DESI1: variants seen among roughly 807,000 people sequenced by gnomAD.
DESI1 encodes desumoylating isopeptidase 1, also known as PPPDE peptidase domain containing 2.
DESI1 carries 17 observed loss-of-function variants against 22.4 expected under a neutral mutation model. That is an observed-to-expected ratio of 0.76 (90% confidence interval 0.52 to 1.14). DESI1 has a LOEUF of 1.14. Ranked by LOEUF, DESI1 falls within the 50% of genes most tolerant of loss-of-function variation. The probability of loss-of-function intolerance (pLI) is 0.00; values close to 1 mark genes in which losing one functional copy is unlikely to be tolerated. For synonymous variants in DESI1, 92 were observed against 84.2 expected, an observed-to-expected ratio of 1.09 and a Z score of -0.51; for missense variants, 177 against 208.9, an observed-to-expected ratio of 0.85 and a Z score of 0.94.
At chr22:41,612,669 C>T (rs866609334) in intron 1 of DESI1, among the ~76,000 whole-genome samples, 22 of 150,834 alleles carry the variant, frequency 1.5e-4, no homozygotes, top group African/African-American at 5.4e-4. Context: ...GATCAAAGCT[C>T]ACTGCAGCCT....
Position 41,604,061 on chromosome 22 carries a change from C to T in DESI1, c.273G>A (p.Leu91=). The change falls in exon 4 of 6, where the codon CTG becomes CTA. Residue 91 remains leucine (L), a synonymous_variant. Transcript: ENST00000263256. The stretch of plus-strand genomic sequence containing the variant: ...CCACTCACCGGAACAGGGACTCCCC[C>T]AGGGAGGAGAGGTACTCCAGAAAGA... The part of the protein sequence containing the change: ...EEIFLEYLSS[L]GESLFRGEAY... 1 of 1,613,722 alleles carries T rather than the reference C, an allele frequency of 6.2e-7. No homozygotes were observed. The highest frequency in any genetic ancestry group is 8.5e-7 in the Non-Finnish European group (1 of 1,179,938).
At chr22:41,607,914 C>G in intron 1 of DESI1, 53 bp from the exon 2 acceptor site, 2 of 1,605,050 alleles carry the variant, frequency 1.2e-6, no homozygotes, top group Non-Finnish European at 1.7e-6. Flanking sequence ...AGTGGCCCCT[C>G]AGCCTTGGTA....
intron 5 of DESI1, 80 bp downstream of exon 5, chr22:41,603,179 G>A: frequency 6.2e-7 from 1 of 1,602,316 alleles, no homozygotes; most frequent in African/African-American, 1.3e-5. Flanking sequence ...GGCAGATGGG[G>A]GCCAGAGGAA....
At chr22:41,619,861 A>T (rs1404396088) in intron 1 of DESI1, among the ~76,000 whole-genome samples, 1 of 152,202 alleles carries the variant, frequency 6.6e-6, no homozygotes, top group Non-Finnish European at 1.5e-5. Context: ...TCAAAGCTTC[A>T]ATTTTCAATA....
intron 2 of DESI1, 45 bp from the exon 3 acceptor site, chr22:41,607,376 T>C: frequency 2.5e-6 from 4 of 1,570,940 alleles, no homozygotes; most frequent in Non-Finnish European, 3.5e-6. Flanking sequence ...ACTTAAACTT[T>C]TGAGAAAAAG....
chr22:41,600,446 A>G lies in DESI1; in HGVS notation c.*651T>C, dbSNP rs764491249. ...ATTGATGGCAGAAGATTGGCAATCC[A>G]TCTAGGTGGAAGGAGGAATGGCTTT... On this transcript the variant is annotated 3_prime_UTR_variant, in exon 6 of 6. Coordinates refer to ENST00000263256, the MANE Select transcript of DESI1 (RefSeq NM_015704.3). 1 of 152,398 alleles carries G rather than the reference A, an allele frequency of 6.6e-6. No homozygotes were observed. Among genetic ancestry groups the G allele is most frequent in the Non-Finnish European group, 1.5e-5 (1 of 68,184 alleles). 9.4% of individuals were successfully genotyped at this position (152,398 alleles called of 1,614,324 possible).
chr22:41,606,362 A>G (rs1445674608), intron 3 of DESI1, among the ~76,000 whole-genome samples: 1 of 152,012 alleles, frequency 6.6e-6, no homozygotes, highest in Non-Finnish European at 1.5e-5. Flanking sequence ...TCTCAAAAAA[A>G]AAAAAAAAAT....
intron 3 of DESI1, 59 bp from the exon 4 acceptor site, chr22:41,604,212 G>A: frequency 7.5e-7 from 1 of 1,333,730 alleles, no homozygotes; most frequent in Non-Finnish European, 1.1e-6. Flanking sequence ...ATGTTTTAAT[G>A]TGGCTTCCCA....
intron 1 of DESI1, among the ~76,000 whole-genome samples, chr22:41,616,469 G>A (rs1031702000): frequency 6.6e-6 from 1 of 150,722 alleles, no homozygotes; most frequent in Admixed American, 6.6e-5. Context: ...GCATGTACAC[G>A]AAACTTCTGA....
intron 5 of DESI1, chr22:41,602,827 C>CA (rs1371736353): frequency 9.7e-7 from 1 of 1,033,938 alleles, no homozygotes; most frequent in African/African-American, 1.7e-5. Context: ...TTGAGGGAGT[C>CA]AAAGAGTTCA....
At chr22:41,614,898 CTT>C (rs978393450) in intron 1 of DESI1, among the ~76,000 whole-genome samples, 2 of 141,846 alleles carry the variant, frequency 1.4e-5, no homozygotes, top group Admixed American at 7.0e-5. Flanking sequence ...TTTTCTTCTT[CTT>C]TTTTTTTTTT....
chr22:41,620,858 C>G lies in DESI1; in HGVS notation c.-19G>C, dbSNP rs28384703. 1.9e-3 allele frequency: 2,996 copies of G among 1,594,612 alleles called. 45 individuals carry two copies. The African/African-American group carries it at 0.036, about 19-fold the overall frequency. ...GCTCCATTGGGACCCGTGGCGACGG[C>G]GGCCACGACGGCCCTCGGGCACCCG... On this transcript the variant is annotated 5_prime_UTR_variant, in exon 1 of 6. Coordinates refer to ENST00000263256, the MANE Select transcript of DESI1 (RefSeq NM_015704.3).
In DESI1 at chr22:41,603,259, G is replaced by T. The variant is rs1014100279; in HGVS notation, c.413C>A (p.Thr138Lys). ...ITDLPSEVLS[T>K]PFGQALRPLL... ...GGGCAGGGACAGAGGCCACACTTAC[G>T]TGGAGAGAACTTCAGAGGGCAGGTC... Residue 138 changes from threonine to lysine, a missense_variant and splice_region_variant, in exon 5 of 6, where the codon ACG (threonine) becomes AAG (lysine). Physicochemically the swap from Thr to Lys is moderately conservative, Grantham distance 78 (BLOSUM62 -1). Transcript: ENST00000263256. 1.9e-6 allele frequency: 3 copies of T among 1,614,176 alleles called. No homozygotes were observed. The highest frequency in any genetic ancestry group is 8.5e-7 in the Non-Finnish European group (1 of 1,180,024).
At chr22:41,604,336 C>T (rs749645693) in intron 3 of DESI1, 183 bp from the exon 4 acceptor site, 3 of 477,024 alleles carry the variant, frequency 6.3e-6, no homozygotes, top group Middle Eastern at 5.7e-4. Context: ...ACCTCCGCCT[C>T]CCGGGTTCAA....
intron 3 of DESI1, 78 bp downstream of exon 3, chr22:41,607,184 G>T: frequency 7.3e-7 from 1 of 1,378,638 alleles, no homozygotes; most frequent in Non-Finnish European, 9.7e-7. Flanking sequence ...GAAGTCCATA[G>T]TAGAAGCAAA....
intron 5 of DESI1, chr22:41,602,441 C>T (rs1263268594): frequency 9.1e-6 from 9 of 985,426 alleles, no homozygotes; most frequent in African/African-American, 7.0e-5. Flanking sequence ...CCACAGCAGT[C>T]TTGTTTCCTA....
In DESI1 at chr22:41,607,223, C is replaced by T. The variant is rs761375777; in HGVS notation, c.180+39G>A. On this transcript the variant is annotated intron_variant, in intron 3 of 5. Coordinates refer to ENST00000263256, the MANE Select transcript of DESI1 (RefSeq NM_015704.3). ...CCTGGTCTACAGGAGCCCCCAGGAA[C>T]CTGAGACTGCAGGACAGAGTGTAGG... 19 of 1,531,888 alleles carry T rather than the reference C, an allele frequency of 1.2e-5. No individual in the cohort carries two copies. In the East Asian group the frequency reaches 4.3e-4, roughly 34 times the overall value. The allele number at this position is 1,531,888 out of a possible 1,614,324, so 94.9% of individuals were successfully genotyped here.
At chr22:41,604,193 C>G in intron 3 of DESI1, 40 bp from the exon 4 acceptor site, 1 of 1,576,276 alleles carries the variant, frequency 6.3e-7, no homozygotes, top group Non-Finnish European at 8.7e-7. Context: ...AAGTTACCAT[C>G]TCCACTGAAT....
intron 3 of DESI1, among the ~76,000 whole-genome samples, chr22:41,607,033 GCT>G (rs2067487139): frequency 6.6e-6 from 1 of 152,100 alleles, no homozygotes; most frequent in South Asian, 2.1e-4. Context: ...ACCAGAAACA[GCT>G]CATTTCACCA....
Sources: gnomAD v4.1 joint callset for allele counts (sites outside exome capture counted in the v4.1 genomes callset) on GRCh38, gnomAD v4.1.1 for gene constraint, MANE v1.5 for transcripts, NCBI Gene and HGNC (gene_info 2026-07-23, HGNC 2026-07-21) for gene names.